The following ELP3 variants were observed in gnomAD, a reference collection of about 807,000 sequenced individuals.
ELP3 encodes the protein elongator acetyltransferase complex subunit 3.
A neutral mutation model predicts 74.9 loss-of-function variants in ELP3; 56 were observed. The observed-to-expected ratio is 0.75, with a 90% CI of 0.60 to 0.93. The LOEUF is 0.93. Among genes scored for constraint, ELP3 ranks in the 40% least tolerant of loss-of-function variants. The probability of loss-of-function intolerance (pLI) is 0.00; values close to 1 mark genes in which losing one functional copy is unlikely to be tolerated. For missense variants in ELP3, 573 were observed against 686.5 expected, an observed-to-expected ratio of 0.83 and a Z score of 1.85; for synonymous variants, 222 against 239.8, an observed-to-expected ratio of 0.93 and a Z score of 0.68.
intron 3 of ELP3, among the ~76,000 whole-genome samples, chr8:28,101,985 G>T (rs1236470222): frequency 6.6e-6 from 1 of 152,176 alleles, no homozygotes; most frequent in Non-Finnish European, 1.5e-5. Flanking sequence ...AGGCTTCTGT[G>T]ATACCACCCT....
chr8:28,117,796 C>G (rs1812197753), intron 7 of ELP3, among the ~76,000 whole-genome samples: 1 of 151,836 alleles, frequency 6.6e-6, no homozygotes, highest in Non-Finnish European at 1.5e-5. Flanking sequence ...TACTACAAAC[C>G]CCTCATAATA....
chr8:28,153,552 A>G (rs1813716885), intron 10 of ELP3, among the ~76,000 whole-genome samples: 1 of 152,174 alleles, frequency 6.6e-6, no homozygotes. Flanking sequence ...GGATGTAGGG[A>G]AGGGGCAATA....
intron 2 of ELP3, among the ~76,000 whole-genome samples, chr8:28,097,674 G>A (rs1245640201): frequency 6.6e-6 from 1 of 151,916 alleles, no homozygotes; most frequent in Non-Finnish European, 1.5e-5. Context: ...GGGATTACAG[G>A]CGTGAGTCAC....
intron 7 of ELP3, among the ~76,000 whole-genome samples, chr8:28,121,326 T>TA (rs1812362399): frequency 2.7e-5 from 4 of 148,614 alleles, no homozygotes; most frequent in African/African-American, 7.4e-5. Flanking sequence ...TTATTATTAT[T>TA]TTTTTTTTTT....
At chr8:28,115,260 A>T (rs530122204) in intron 7 of ELP3, among the ~76,000 whole-genome samples, 32 of 152,292 alleles carry the variant, frequency 2.1e-4, no homozygotes, top group African/African-American at 7.7e-4. Flanking sequence ...GGGGATTATC[A>T]GCTCATAGGT....
intron 10 of ELP3, among the ~76,000 whole-genome samples, chr8:28,148,852 C>T (rs1813532793): frequency 6.6e-6 from 1 of 152,142 alleles, no homozygotes; most frequent in South Asian, 2.1e-4. Context: ...TCTGTAGTTG[C>T]TGTGATCTGA....
intron 7 of ELP3, among the ~76,000 whole-genome samples, chr8:28,125,679 T>C (rs1340670935): frequency 6.6e-6 from 1 of 151,568 alleles, no homozygotes; most frequent in East Asian, 1.9e-4. Flanking sequence ...TTTCCAGAAA[T>C]AGAAACATGC....
chr8:28,166,919 C>T (rs994717614), intron 14 of ELP3, among the ~76,000 whole-genome samples: 5 of 152,290 alleles, frequency 3.3e-5, no homozygotes, highest in East Asian at 1.9e-4. Context: ...TCCCCAAGCT[C>T]GTCTGACTAC....
chr8:28,111,374 C>T (rs1811909155), intron 6 of ELP3, among the ~76,000 whole-genome samples: 1 of 152,136 alleles, frequency 6.6e-6, no homozygotes, highest in Non-Finnish European at 1.5e-5. Flanking sequence ...TTATTTTAAA[C>T]TTGTCCAATT....
At chr8:28,155,622 T>C (rs1813794561) in intron 10 of ELP3, among the ~76,000 whole-genome samples, 2 of 152,240 alleles carry the variant, frequency 1.3e-5, no homozygotes, top group Non-Finnish European at 2.9e-5. Flanking sequence ...TACAAATGTC[T>C]CTTTACTCAA....
chr8:28,092,993 C>T (rs950630396), upstream of ELP3: 9 of 695,638 alleles, frequency 1.3e-5, no homozygotes, highest in African/African-American at 1.1e-4. Context: ...AGACCCGGGG[C>T]AGGATCGCAG....
In ELP3 at chr8:28,094,836, G is replaced by GT. The variant is rs550570390; in HGVS notation, c.19+1609dup. ...CTGGATCCTGTCTTAGATTTTGTGG[G>GT]TTTTTTAAAACAATGTTGCCTTTCA... is the stretch of plus-strand genomic sequence containing the variant. On this transcript the variant is annotated intron_variant, in intron 1 of 14. Coordinates refer to ENST00000256398, the MANE Select transcript of ELP3 (RefSeq NM_018091.6). Among the ~76,000 whole-genome samples the GT allele has an allele frequency of 8.0e-4, 122 of 152,292 alleles. 1 individual carries two copies. In the East Asian group the frequency reaches 0.018, roughly 22 times the overall value.
intron 10 of ELP3, among the ~76,000 whole-genome samples, chr8:28,138,945 T>G (rs1260138218): frequency 6.6e-6 from 1 of 152,214 alleles, no homozygotes; most frequent in Non-Finnish European, 1.5e-5. Context: ...TGTGTGGCCC[T>G]TCCCCTTGTT....
upstream of ELP3, chr8:28,090,503 G>A: frequency 4.3e-6 from 1 of 231,398 alleles, no homozygotes; most frequent in Non-Finnish European, 8.6e-6. Flanking sequence ...GTGTGTGTGT[G>A]TGTGTGTGTG....
At chr8:28,160,998 A>G (rs540083798) in intron 13 of ELP3, among the ~76,000 whole-genome samples, 3 of 152,242 alleles carry the variant, frequency 2.0e-5, no homozygotes, top group Non-Finnish European at 4.4e-5. Flanking sequence ...CCTGGCCTGC[A>G]GTTAGTATTT....
chr8:28,184,639 C>T (rs550003961), intron 14 of ELP3, among the ~76,000 whole-genome samples: 1 of 152,322 alleles, frequency 6.6e-6, no homozygotes, highest in East Asian at 1.9e-4. Context: ...GAACTCTTCT[C>T]TCTCACCTCT....
chr8:28,135,119 G>A (rs376624936), intron 9 of ELP3, among the ~76,000 whole-genome samples: 51 of 151,988 alleles, frequency 3.4e-4, no homozygotes, highest in African/African-American at 1.1e-3. Flanking sequence ...TAGTAGAGAC[G>A]GGGTTTCACC....
At chr8:28,090,737 C>A (rs985379058), upstream of ELP3, among the ~76,000 whole-genome samples, 6 of 151,840 alleles carry the variant, frequency 4.0e-5, no homozygotes, top group African/African-American at 1.5e-4. Flanking sequence ...CAGGCAGATT[C>A]AGTTTTCTCT....
At chr8:28,146,358 A>G (rs984478363) in intron 10 of ELP3, among the ~76,000 whole-genome samples, 1 of 152,214 alleles carries the variant, frequency 6.6e-6, no homozygotes, top group African/African-American at 2.4e-5. Context: ...TCACAACCCA[A>G]GCATGTTTCT....
Sources: gnomAD v4.1 joint callset for allele counts (sites outside exome capture counted in the v4.1 genomes callset) on GRCh38, gnomAD v4.1.1 for gene constraint, MANE v1.5 for transcripts, NCBI Gene and HGNC (gene_info 2026-07-23, HGNC 2026-07-21) for gene names.